The following MICU1 variants were observed in gnomAD, a reference collection of about 807,000 sequenced individuals.
MICU1 encodes mitochondrial calcium uptake 1, also known as calcium uptake protein 1, mitochondrial.
In MICU1, 45 loss-of-function variants were observed where a neutral mutation model predicts 56.8. The observed-to-expected ratio is 0.79, with a 90% confidence interval of 0.62 to 1.02. The LOEUF (loss-of-function observed/expected upper bound fraction) is 1.02, where lower values mean the gene tolerates loss of function less well. Among genes scored for constraint, MICU1 ranks in the 50% least tolerant of loss-of-function variants. The probability of loss-of-function intolerance (pLI) is 0.00; values close to 1 mark genes in which losing one functional copy is unlikely to be tolerated. For missense variants in MICU1, 504 were observed against 587.1 expected (o/e 0.86, Z 1.46); for synonymous variants, 186 against 195.1 (o/e 0.95, Z 0.39).
At chr10:72,484,135 G>A (rs1391239558) in intron 6 of MICU1, among the ~76,000 whole-genome samples, 2 of 152,130 alleles carry the variant, frequency 1.3e-5, no homozygotes, top group African/African-American at 2.4e-5. Flanking sequence ...AGGGGGACCA[G>A]ACTACATAGT....
intron 6 of MICU1, among the ~76,000 whole-genome samples, chr10:72,498,808 A>G (rs1427431092): frequency 3.3e-5 from 5 of 152,128 alleles, no homozygotes; most frequent in Admixed American, 3.3e-4. Flanking sequence ...AGAGAGGACA[A>G]AATTTATGCA....
intron 1 of MICU1, among the ~76,000 whole-genome samples, chr10:72,620,939 T>C (rs747498726): frequency 6.6e-6 from 1 of 152,152 alleles, no homozygotes; most frequent in Admixed American, 6.6e-5. Context: ...TAAAGCATGA[T>C]TGGCCAGGCA....
At chr10:72,518,073 G>T (rs957729095) in intron 5 of MICU1, among the ~76,000 whole-genome samples, 2 of 148,462 alleles carry the variant, frequency 1.3e-5, no homozygotes, top group Non-Finnish European at 3.0e-5. Flanking sequence ...TGCTCTGTCC[G>T]CCAGGCTTGG....
chr10:72,414,734 A>G (rs1404699503), intron 9 of MICU1, among the ~76,000 whole-genome samples: 3 of 152,236 alleles, frequency 2.0e-5, no homozygotes, highest in Non-Finnish European at 4.4e-5. Flanking sequence ...AAAAATATGA[A>G]GCAGTCAGAG....
At chr10:72,413,781 T>C (rs539954921) in intron 9 of MICU1, among the ~76,000 whole-genome samples, 3 of 152,188 alleles carry the variant, frequency 2.0e-5, no homozygotes, top group East Asian at 3.9e-4. Context: ...TAAACAACTA[T>C]TATAACTCAA....
At position 72,368,324 on chromosome 10, in the gene MICU1, A is replaced by T; in HGVS notation, c.1302T>A (p.Val434=). The part of the protein sequence containing the change: ...GNGELSNKEF[V]SIMKQRLMRG... ...TCATCAGCCGTTGCTTCATGATGGA[A>T]ACAAATTCCTTATTGCTCAGTTCGC... Residue 434 remains valine, a synonymous_variant, in exon 12 of 12, where the codon GTT becomes GTA. Coordinates refer to ENST00000361114, the MANE Select transcript of MICU1 (RefSeq NM_001195518.2). The T allele has an allele frequency of 1.9e-6, 3 of 1,613,992 alleles. No individual in the cohort carries two copies. The highest frequency in any genetic ancestry group is 8.5e-7 in the Non-Finnish European group (1 of 1,179,858).
intron 8 of MICU1, among the ~76,000 whole-genome samples, chr10:72,456,237 C>G (rs1865453520): frequency 6.6e-6 from 1 of 152,182 alleles, no homozygotes; most frequent in Non-Finnish European, 1.5e-5. Context: ...TGACACAGCC[C>G]TCCTGAGGCT....
At chr10:72,566,034 A>ACT (rs1840424881) in intron 2 of MICU1, among the ~76,000 whole-genome samples, 1 of 78,204 alleles carries the variant, frequency 1.3e-5, no homozygotes, top group African/African-American at 4.8e-5. Context: ...GAAAGCATTC[A>ACT]TTTTCTTTTT....
rs1391726646 is a variant in MICU1, at chr10:72,520,985, AAG to A, written c.538-12718_538-12717del. 3.3e-5 allele frequency among the ~76,000 whole-genome samples: 5 copies of A among 152,260 alleles called. No homozygotes were observed. In the East Asian group the frequency reaches 9.6e-4, roughly 29 times the overall value. On this transcript the variant is annotated intron_variant, in intron 5 of 11. Transcript: ENST00000361114. ...ACTTGATTATCTGCTACCTAAATCT[AAG>A]AATTTAATTTTGAACTTTGGCCACT...
chr10:72,556,649 G>A (rs115783125), intron 3 of MICU1, among the ~76,000 whole-genome samples: 4,157 of 152,020 alleles, frequency 0.027, 182 homozygotes, highest in African/African-American at 0.096. Context: ...CCATAGTAAC[G>A]TTCTTAACTG....
intron 8 of MICU1, among the ~76,000 whole-genome samples, chr10:72,457,354 A>G (rs61018702): frequency 0.045 from 6,744 of 149,948 alleles, 499 homozygotes; most frequent in African/African-American, 0.16. Context: ...AGTAGCTGGG[A>G]CTATAGTTAT....
intron 1 of MICU1, among the ~76,000 whole-genome samples, chr10:72,623,475 C>T (rs1450648099): frequency 6.6e-6 from 1 of 152,042 alleles, no homozygotes; most frequent in Non-Finnish European, 1.5e-5. Flanking sequence ...GGCATGGTGG[C>T]TTGTACCTGC....
intron 8 of MICU1, among the ~76,000 whole-genome samples, chr10:72,449,195 T>A (rs1865217312): frequency 6.6e-6 from 1 of 152,064 alleles, no homozygotes; most frequent in Admixed American, 6.6e-5. Context: ...GTCAGGAGTT[T>A]GAGACCAGTG....
chr10:72,551,117 G>A (rs897111808), intron 4 of MICU1, 62 bp downstream of exon 4: 10 of 1,458,096 alleles, frequency 6.9e-6, no homozygotes, highest in Middle Eastern at 1.8e-4. Flanking sequence ...TATGTAGAAA[G>A]AGACAAAGTA....
chr10:72,571,535 A>G (rs1425483311), intron 1 of MICU1, among the ~76,000 whole-genome samples: 1 of 152,212 alleles, frequency 6.6e-6, no homozygotes, highest in Non-Finnish European at 1.5e-5. Flanking sequence ...GTAAAATAGG[A>G]AGCCACTCAA....
At chr10:72,426,276 T>C (rs1397390302) in intron 8 of MICU1, among the ~76,000 whole-genome samples, 2 of 152,152 alleles carry the variant, frequency 1.3e-5, no homozygotes, top group East Asian at 1.9e-4. Flanking sequence ...TGCCTTGGCC[T>C]CCCAAAGTGC....
chr10:72,468,360 A>G (rs1865858022), intron 8 of MICU1, among the ~76,000 whole-genome samples: 1 of 150,694 alleles, frequency 6.6e-6, no homozygotes, highest in East Asian at 1.9e-4. Flanking sequence ...AAAATTAACC[A>G]TAACCTTTCA....
chr10:72,473,105 G>A (rs1865998927), intron 8 of MICU1: 1 of 152,096 alleles, frequency 6.6e-6, no homozygotes, highest in Non-Finnish European at 1.5e-5. Flanking sequence ...ATCTCAAAAT[G>A]AAAACAAAAG....
At chr10:72,599,837 G>A (rs1164081171) in intron 1 of MICU1, among the ~76,000 whole-genome samples, 1 of 152,128 alleles carries the variant, frequency 6.6e-6, no homozygotes, top group African/African-American at 2.4e-5. Flanking sequence ...CACTCTCAAA[G>A]TGACAATACC....
Sources: gnomAD v4.1 joint callset for allele counts (sites outside exome capture counted in the v4.1 genomes callset) on GRCh38, gnomAD v4.1.1 for gene constraint, MANE v1.5 for transcripts, NCBI Gene and HGNC (gene_info 2026-07-23, HGNC 2026-07-21) for gene names.